The following HIP1R variants were observed in gnomAD, a reference collection of about 807,000 sequenced individuals.
HIP1R encodes the protein huntingtin interacting protein 1 related.
In HIP1R, 135 loss-of-function variants were observed where a neutral mutation model predicts 144.2. That is an observed-to-expected ratio of 0.94 (90% CI 0.81 to 1.08). The LOEUF is 1.08. Ranked by LOEUF, HIP1R falls within the 50% of genes least tolerant of loss-of-function variation. The pLI is 0.00. For synonymous variants in HIP1R, 698 were observed against 612.8 expected (o/e 1.14, Z -2.05); for missense variants, 1,462 against 1,432.8 (o/e 1.02, Z -0.33).
Position 122,861,298 on chromosome 12 carries a change from G to A in HIP1R, c.2953-10G>A, listed in dbSNP as rs1477015450. On this transcript the variant is annotated splice_polypyrimidine_tract_variant and intron_variant, in intron 30 of 31. Coordinates refer to ENST00000253083, the MANE Select transcript of HIP1R (RefSeq NM_003959.3). ...GGCTGGGCTGGGCTGAGCAGGCCGTGTGGCTACAGGTGCGTGTCCTGGAGC... is the reference window on the plus strand; with the variant it reads ...GGCTGGGCTGGGCTGAGCAGGCCGTATGGCTACAGGTGCGTGTCCTGGAGC... 5.6e-6 allele frequency: 9 copies of A among 1,613,648 alleles called. No individual in the cohort carries two copies. The South Asian group carries it at 8.8e-5, about 16-fold the overall frequency.
In HIP1R at chr12:122,861,848, C is replaced by G. The variant is rs1426111131; in HGVS notation, c.*95C>G. 2 of 1,146,324 alleles carry G rather than the reference C, an allele frequency of 1.7e-6. No homozygotes were observed. The highest frequency in any genetic ancestry group is 2.6e-6 in the Non-Finnish European group (2 of 782,268). The allele number at this position is 1,146,324 out of a possible 1,614,324, so 71.0% of individuals were successfully genotyped here. On this transcript the variant is annotated 3_prime_UTR_variant, in exon 32 of 32. Transcript: ENST00000253083. ...GAGGCCTTGCCCCTCCACCTGGTGC[C>G]CAAGCCTCCCGCCCCACCGTCTGGA...
In HIP1R at chr12:122,854,775, A is replaced by G. The variant is rs1021869835; in HGVS notation, c.719-130A>G. 7.9e-6 allele frequency: 7 copies of G among 883,122 alleles called. No individual in the cohort carries two copies. The African/African-American group carries it at 1.2e-4, about 15-fold the overall frequency. 54.7% of individuals were successfully genotyped at this position (883,122 alleles called of 1,614,324 possible). ...CCACAGGTCTCCCCATCCCGATGGG[A>G]GAGCGGGCCTGGCCCGGTCTCAGGT... On this transcript the variant is annotated intron_variant, in intron 8 of 31. Transcript: ENST00000253083.
chr12:122,853,964 T>C (rs977577365), intron 7 of HIP1R, 79 bp from the exon 8 acceptor site: 2 of 1,507,986 alleles, frequency 1.3e-6, no homozygotes, highest in African/African-American at 2.8e-5. Context: ...CTTAGGGCCC[T>C]GCTTCACAGT....
In HIP1R at chr12:122,861,814, C is replaced by CA; in HGVS notation, c.*62dup. The CA allele has an allele frequency of 6.5e-7, 1 of 1,532,932 alleles. No individual in the cohort carries two copies. 95.0% of individuals were successfully genotyped at this position (1,532,932 alleles called of 1,614,324 possible). On this transcript the variant is annotated 3_prime_UTR_variant, in exon 32 of 32. Coordinates refer to ENST00000253083, the MANE Select transcript of HIP1R (RefSeq NM_003959.3). ...GCCTGGGCCTCTGCAACTGCCCTGA[C>CA]AGGACCGAGAGGCCTTGCCCCTCCA...
At chr12:122,844,583 C>G (rs1237834646) in intron 1 of HIP1R, among the ~76,000 whole-genome samples, 2 of 152,202 alleles carry the variant, frequency 1.3e-5, no homozygotes, top group African/African-American at 4.8e-5. Flanking sequence ...AGCCCTGGTC[C>G]CACAGCCACT....
In HIP1R at chr12:122,850,922, C is replaced by G; in HGVS notation, c.515+11C>G. 1 of 1,606,462 alleles carries G rather than the reference C, an allele frequency of 6.2e-7. No homozygotes were observed. Among genetic ancestry groups the G allele is most frequent in the East Asian group, 2.2e-5 (1 of 44,516 alleles). On this transcript the variant is annotated intron_variant, in intron 6 of 31. Coordinates refer to ENST00000253083, the MANE Select transcript of HIP1R (RefSeq NM_003959.3). Reference sequence around the variant, plus strand: ...CGATGTCAACAACATGTGAGTCACTCTGCATGGCTACATAGCCAGTTCCCC... The same window carrying G: ...CGATGTCAACAACATGTGAGTCACTGTGCATGGCTACATAGCCAGTTCCCC...
At chr12:122,839,570 T>C (rs1309305577) in intron 1 of HIP1R, among the ~76,000 whole-genome samples, 2 of 152,214 alleles carry the variant, frequency 1.3e-5, no homozygotes, top group African/African-American at 4.8e-5. Flanking sequence ...TAACATTTAT[T>C]GACAACTGAG....
intron 23 of HIP1R, 24 bp downstream of exon 23, chr12:122,859,560 C>T (rs774128738): frequency 1.3e-5 from 21 of 1,574,234 alleles, no homozygotes; most frequent in Non-Finnish European, 1.7e-5. Flanking sequence ...CTGGGGACTC[C>T]CCTCATTCCT....
intron 11 of HIP1R, 67 bp from the exon 12 acceptor site, chr12:122,855,484 C>T (rs534873037): frequency 1.3e-6 from 2 of 1,547,940 alleles, no homozygotes; most frequent in Admixed American, 2.0e-5. Context: ...GTGGCCAGCC[C>T]TCCCTTTGCC....
At position 122,849,825 on chromosome 12, in the gene HIP1R, T is replaced by C. The variant is rs533193550; in HGVS notation, c.358-50T>C. ...CTCGTGCCCAGGTCCTTGAGGACTC[T>C]TGGACGTGTTCACGAGCCGTGGCCC... is the stretch of plus-strand genomic sequence containing the variant. On this transcript the variant is annotated intron_variant, in intron 4 of 31. Transcript: ENST00000253083. 7 of 1,386,042 alleles carry C rather than the reference T, an allele frequency of 5.1e-6. No homozygotes were observed. In the East Asian group the frequency reaches 1.1e-4, roughly 23 times the overall value. The allele number at this position is 1,386,042 out of a possible 1,614,324, so 85.9% of individuals were successfully genotyped here. A position where few individuals can be genotyped will look rare whatever the true frequency, so the allele number is the denominator to read the frequency against.
rs200785535 is a variant in HIP1R, at chr12:122,859,390, C to T, written c.2296-36C>T. 7.9e-4 allele frequency: 1,227 copies of T among 1,560,116 alleles called. 4 individuals are homozygous for T. In the African/African-American group the frequency reaches 0.013, roughly 17 times the overall value. On this transcript the variant is annotated intron_variant, in intron 22 of 31. Transcript: ENST00000253083. ...AGGCTGCCCGTGGGACGGGGGGGGA[C>T]GGAGGCTACCCCTGTCTGACTCCCA...
chr12:122,858,152 A>G lies in HIP1R; in HGVS notation c.1866A>G (p.Ala622=). 1.2e-6 allele frequency: 2 copies of G among 1,604,534 alleles called. No homozygotes were observed. The highest frequency in any genetic ancestry group is 1.7e-6 in the Non-Finnish European group (2 of 1,177,786). The change falls in exon 19 of 32, where the codon GCA becomes GCG. Residue 622 remains alanine, a synonymous_variant. Transcript: ENST00000253083. ...LRQRLLDEQF[A]VLRGAAAEAA... ...AGAGGCTGCTGGACGAGCAGTTCGC[A>G]GTGTTGCGGGGCGCTGCTGCCGAGG...
intron 1 of HIP1R, among the ~76,000 whole-genome samples, chr12:122,842,528 G>A (rs2033084627): frequency 6.6e-6 from 1 of 152,196 alleles, no homozygotes; most frequent in African/African-American, 2.4e-5. Flanking sequence ...GATACAGCAG[G>A]AAGGAAGATG....
rs1276968489 is a variant in HIP1R at position 122,848,481 on chromosome 12, C to T, written c.173C>T (p.Thr58Ile). The change falls in exon 3 of 32, where the codon ACA (threonine) becomes ATA (isoleucine). Residue 58 changes from threonine to isoleucine, a missense_variant. Transcript: ENST00000253083. ...GACATTGCAGGCATCATTCTGGGCA[C>T]ACACCACGAGAAGGGGGCTTTCACC... is the stretch of plus-strand genomic sequence containing the variant. ...EKHARRIILGTHHEKGAFTFW... is the reference protein window; with the variant it reads ...EKHARRIILGIHHEKGAFTFW... 5 of 1,612,402 alleles carry T rather than the reference C, an allele frequency of 3.1e-6. No individual in the cohort carries two copies. Among genetic ancestry groups the T allele is most frequent in the Non-Finnish European group, 4.2e-6 (5 of 1,179,464 alleles).
Position 122,861,384 on chromosome 12 carries a change from T to G in HIP1R, c.3029T>G (p.Val1010Gly). The change falls in exon 31 of 32, where the codon GTG becomes GGG. Residue 1010 changes from valine to glycine, a missense_variant. Transcript: ENST00000253083. ...GGGGAGTTGCGGAAGCAACACTACG[T>G]GCTGGCTGGGGCATCAGGCAGCCCT... The part of the protein sequence containing the change: ...RLGELRKQHY[V>G]LAGASGSPGE... 1 of 1,613,482 alleles carries G rather than the reference T, an allele frequency of 6.2e-7. No homozygotes were observed. Among genetic ancestry groups the G allele is most frequent in the Non-Finnish European group, 8.5e-7 (1 of 1,179,894 alleles).
chr12:122,858,785 G>A (rs1357645571), intron 20 of HIP1R, 53 bp from the exon 21 acceptor site: 1 of 1,263,158 alleles, frequency 7.9e-7, no homozygotes, highest in Non-Finnish European at 1.2e-6. Context: ...TGGTCCCAGT[G>A]CTAGTGTCTC....
At chr12:122,847,991 C>A in intron 1 of HIP1R, 40 bp from the exon 2 acceptor site, 1 of 1,607,376 alleles carries the variant, frequency 6.2e-7, no homozygotes, top group Non-Finnish European at 8.5e-7. Flanking sequence ...CCTGGGGTGG[C>A]TGCCTGGGGC....
chr12:122,858,893 C>T lies in HIP1R; in HGVS notation c.2106C>T (p.Thr702=), dbSNP rs2033677565. ...GCTTCTCCCACCTGGCTGCGGATAC[C>T]ATCATCAATGGCGGTGCCACCTCGC... The part of the protein sequence containing the change: ...LTRFSHLAAD[T]IINGGATSHL... Residue 702 remains threonine (T), a synonymous_variant, in exon 21 of 32, where the codon ACC becomes ACT. Coordinates refer to ENST00000253083, the MANE Select transcript of HIP1R (RefSeq NM_003959.3). 2 of 1,613,290 alleles carry T rather than the reference C, an allele frequency of 1.2e-6. No homozygotes were observed. The highest frequency in any genetic ancestry group is 8.5e-7 in the Non-Finnish European group (1 of 1,180,006).
intron 20 of HIP1R, 26 bp downstream of exon 20, chr12:122,858,461 G>C (rs1340068794): frequency 1.9e-6 from 3 of 1,553,882 alleles, no homozygotes; most frequent in African/African-American, 1.4e-5. Flanking sequence ...GCAGGGCGGA[G>C]GCGGGGGCTG....
Sources: gnomAD v4.1 joint callset for allele counts (sites outside exome capture counted in the v4.1 genomes callset) on GRCh38, gnomAD v4.1.1 for gene constraint, MANE v1.5 for transcripts, NCBI Gene and HGNC (gene_info 2026-07-23, HGNC 2026-07-21) for gene names.